Variants in ECE1 observed in about 807,000 individuals in gnomAD.
The protein encoded by ECE1 is endothelin converting enzyme 1.
ECE1 carries 35 observed loss-of-function variants against 98.6 expected under a neutral mutation model. That is an observed-to-expected ratio of 0.35 (90% confidence interval 0.27 to 0.47). The LOEUF (loss-of-function observed/expected upper bound fraction) is 0.47, where lower values mean the gene tolerates loss of function less well. Ranked by LOEUF, ECE1 falls within the 20% of genes least tolerant of loss-of-function variation. The pLI, the probability that ECE1 is intolerant of heterozygous loss-of-function variation, is 1.00. For synonymous variants in ECE1, 394 were observed against 407.1 expected, an observed-to-expected ratio of 0.97 and a Z score of 0.39; for missense variants, 814 against 1,025.3, an observed-to-expected ratio of 0.79 and a Z score of 2.81.
At chr1:21,314,400 G>T (rs200846054) in intron 1 of ECE1, among the ~76,000 whole-genome samples, 1 of 152,150 alleles carries the variant, frequency 6.6e-6, no homozygotes, top group East Asian at 1.9e-4. Flanking sequence ...CCAGGGCTTG[G>T]CTCAGTTCAG....
intron 4 of ECE1, among the ~76,000 whole-genome samples, chr1:21,271,531 G>A (rs1193368358): frequency 1.3e-5 from 2 of 152,082 alleles, no homozygotes; most frequent in African/African-American, 4.8e-5. Flanking sequence ...TGACTTTTCA[G>A]AATGCAGCCT....
intron 4 of ECE1, among the ~76,000 whole-genome samples, chr1:21,271,176 G>A (rs1369274734): frequency 2.0e-5 from 3 of 152,204 alleles, no homozygotes; most frequent in Non-Finnish European, 2.9e-5. Context: ...AAGTTAGGCT[G>A]AAGGCAGCTG....
At chr1:21,254,622 T>C (rs1385404662) in intron 8 of ECE1, among the ~76,000 whole-genome samples, 1 of 152,176 alleles carries the variant, frequency 6.6e-6, no homozygotes, top group Non-Finnish European at 1.5e-5. Flanking sequence ...GGTAGGGGGC[T>C]GAGGCACTGC....
chr1:21,320,671 C>T (rs748753980), intron 1 of ECE1, among the ~76,000 whole-genome samples: 11 of 152,340 alleles, frequency 7.2e-5, no homozygotes, highest in South Asian at 6.2e-4. Context: ...CCCTGAAGGA[C>T]GCACGTGTCT....
chr1:21,279,151 G>A (rs1558409102), intron 3 of ECE1, 40 bp downstream of exon 3: 2 of 1,614,000 alleles, frequency 1.2e-6, no homozygotes, highest in East Asian at 4.5e-5. Context: ...GCCGGGTGCA[G>A]GAGTGAGTCA....
intron 11 of ECE1, among the ~76,000 whole-genome samples, chr1:21,237,600 C>T (rs1343161558): frequency 6.6e-6 from 1 of 152,166 alleles, no homozygotes; most frequent in East Asian, 1.9e-4. Context: ...TGCCGGTGCC[C>T]AGTGTGTGGC....
intron 1 of ECE1, among the ~76,000 whole-genome samples, chr1:21,334,495 G>T (rs1639270679): frequency 6.6e-6 from 1 of 152,262 alleles, no homozygotes; most frequent in Admixed American, 6.5e-5. Flanking sequence ...GAGCAGAGGG[G>T]CTGGGCATCC....
At chr1:21,297,306 C>T (rs1254220154) in intron 1 of ECE1, among the ~76,000 whole-genome samples, 1 of 152,182 alleles carries the variant, frequency 6.6e-6, no homozygotes, top group Admixed American at 6.5e-5. Context: ...ACCTGGTCAG[C>T]AGCCTCTCAC....
chr1:21,342,790 G>C lies in ECE1; in HGVS notation c.3+2586C>G, dbSNP rs1051220949. Among the ~76,000 whole-genome samples, 17 of 152,154 alleles carry C rather than the reference G, an allele frequency of 1.1e-4. 1 individual carries two copies. The highest frequency in any genetic ancestry group is 4.1e-4 in the African/African-American group (17 of 41,414). The stretch of plus-strand genomic sequence containing the variant: ...ACTTGATCAGTCCCGAATCACCCCT[G>C]CCTCAGGAATGACAGCACAGGAACC... On this transcript the variant is annotated intron_variant, in intron 1 of 18. Coordinates refer to the ECE1 transcript ENST00000415912.
chr1:21,236,956 G>T (rs551001013), intron 11 of ECE1, 112 bp from the exon 12 acceptor site: 2 of 1,041,488 alleles, frequency 1.9e-6, no homozygotes, highest in African/African-American at 1.6e-5. Flanking sequence ...TTTTCCAAGC[G>T]TCAGGCTGGG....
rs1205420381 is a variant in ECE1 at position 21,340,738 on chromosome 1, G to A, written c.3+4638C>T. ...TGTAATCCCAGCTACTCGGGAGACT[G>A]AGGAGAATCACTTGAACCAGGGAGG... is the stretch of plus-strand genomic sequence containing the variant. On this transcript the variant is annotated intron_variant, in intron 1 of 18. Transcript: ENST00000415912. This position sits in a 1 kb window ranked among gnomAD's most constrained non-coding sequence, Gnocchi z 4.6. 6.6e-6 allele frequency among the ~76,000 whole-genome samples: 1 copy of A among 152,264 alleles called. No homozygotes were observed. Among genetic ancestry groups the A allele is most frequent in the Non-Finnish European group, 1.5e-5 (1 of 68,006 alleles).
rs188140051 is a variant in ECE1 at position 21,262,045 on chromosome 1, G to A, written c.494-1653C>T. On this transcript the variant is annotated intron_variant, in intron 4 of 18. Coordinates refer to ENST00000374893, the MANE Select transcript of ECE1 (RefSeq NM_001397.3). Reference sequence around the variant, plus strand: ...TCACCCCGAGAGCTCCCTGCCCCCCGATCCTCACCATAAATAGCACCATGG... The same window carrying A: ...TCACCCCGAGAGCTCCCTGCCCCCCAATCCTCACCATAAATAGCACCATGG... Among the ~76,000 whole-genome samples the A allele has an allele frequency of 2.2e-3, 333 of 152,182 alleles. 6 individuals carry two copies. Among genetic ancestry groups the A allele is most frequent in the Non-Finnish European group, 3.3e-3 (224 of 67,996 alleles).
intron 2 of ECE1, among the ~76,000 whole-genome samples, chr1:21,284,020 T>C (rs1244288318): frequency 6.6e-6 from 1 of 152,132 alleles, no homozygotes; most frequent in East Asian, 1.9e-4. Context: ...TCAGGAGGCC[T>C]CTCCAGGGCA....
chr1:21,290,315 G>C lies in ECE1; in HGVS notation c.51+49C>G. ...CCCACGGAGCGGCCCGCGCGGGGAGGGGTCCCGCCCGCCTCCCGCCCCCGC... is the reference window on the plus strand; with the variant it reads ...CCCACGGAGCGGCCCGCGCGGGGAGCGGTCCCGCCCGCCTCCCGCCCCCGC... On this transcript the variant is annotated intron_variant, in intron 1 of 18. Transcript: ENST00000374893. The surrounding 1 kb of genome is among the most constrained non-coding windows in gnomAD (Gnocchi z 7.3). 1 of 1,230,952 alleles carries C rather than the reference G, an allele frequency of 8.1e-7. No individual in the cohort carries two copies. The highest frequency in any genetic ancestry group is 1.0e-6 in the Non-Finnish European group (1 of 989,834). The allele number at this position is 1,230,952 out of a possible 1,614,324, so 76.3% of individuals were successfully genotyped here.
At chr1:21,298,973 T>C (rs1335622276) in intron 1 of ECE1, 2 of 438,212 alleles carry the variant, frequency 4.6e-6, no homozygotes, top group African/African-American at 2.0e-5. Flanking sequence ...CACCTCCTCA[T>C]GCTCCTGTGC....
rs145832749 is a variant in ECE1 at position 21,275,527 on chromosome 1, G to A, written c.281-2616C>T. Among the ~76,000 whole-genome samples the A allele has an allele frequency of 6.7e-3, 1,019 of 152,232 alleles. 4 individuals carry two copies. The highest frequency in any genetic ancestry group is 0.012 in the Non-Finnish European group (793 of 68,022). On this transcript the variant is annotated intron_variant, in intron 3 of 18. Coordinates refer to ENST00000374893, the MANE Select transcript of ECE1 (RefSeq NM_001397.3). ...GGAGAATCTTTTGAACCCGGGAGGC[G>A]GAGATTGCAGTGAGCCAAGATCGCG...
intron 1 of ECE1, among the ~76,000 whole-genome samples, chr1:21,333,558 G>C (rs912863627): frequency 2.6e-5 from 4 of 152,194 alleles, no homozygotes; most frequent in African/African-American, 9.7e-5. Flanking sequence ...CGGGCTGGGC[G>C]CAGTGGCTCA....
rs1007205158 is a variant in ECE1 at position 21,233,495 on chromosome 1, G to A, written c.1670+63C>T. 38 of 1,506,010 alleles carry A rather than the reference G, an allele frequency of 2.5e-5. No homozygotes were observed. The highest frequency in any genetic ancestry group is 1.1e-4 in the African/African-American group (8 of 72,132). The allele number at this position is 1,506,010 out of a possible 1,614,324, so 93.3% of individuals were successfully genotyped here. ...GTGAGGGTGCAATGAAGGCCAGTTC[G>A]TCCCAAGGCTTGCCCACAGGTGGGG... On this transcript the variant is annotated intron_variant, in intron 14 of 18. Coordinates refer to ENST00000374893, the MANE Select transcript of ECE1 (RefSeq NM_001397.3). This position sits in a 1 kb window ranked among gnomAD's most constrained non-coding sequence, Gnocchi z 4.0.
chr1:21,332,542 C>G (rs1639218505), intron 1 of ECE1, among the ~76,000 whole-genome samples: 1 of 132,134 alleles, frequency 7.6e-6, no homozygotes, highest in Non-Finnish European at 1.6e-5. Context: ...GGATTCAAAC[C>G]CAGGCAGGCT....
Sources: gnomAD v4.1 joint callset for allele counts (sites outside exome capture counted in the v4.1 genomes callset) on GRCh38, gnomAD v4.1.1 for gene constraint, Gnocchi (gnomAD v3.1) non-coding constraint, MANE v1.5 for transcripts, NCBI Gene and HGNC (gene_info 2026-07-23, HGNC 2026-07-21) for gene names.